Variants in TRIM69 observed in about 807,000 individuals in gnomAD.
TRIM69 encodes the protein tripartite motif containing 69.
A neutral mutation model predicts 37.7 loss-of-function variants in TRIM69; 29 were observed. That is an observed-to-expected ratio of 0.77 (90% CI 0.57 to 1.05). The LOEUF (loss-of-function observed/expected upper bound fraction) is 1.05, where lower values mean the gene tolerates loss of function less well. Ranked by LOEUF, TRIM69 falls within the 50% of genes least tolerant of loss-of-function variation. The pLI is 0.00. For missense variants in TRIM69, 596 were observed against 579.9 expected, an observed-to-expected ratio of 1.03 and a Z score of -0.28; for synonymous variants, 209 against 212.4, an observed-to-expected ratio of 0.98 and a Z score of 0.14.
In TRIM69 at chr15:44,755,288, T is replaced by A. The variant is rs1426803997; in HGVS notation, c.395T>A (p.Leu132Gln). The A allele has an allele frequency of 1.2e-6, 2 of 1,614,056 alleles. No individual in the cohort carries two copies. Among genetic ancestry groups the A allele is most frequent in the African/African-American group, 2.7e-5 (2 of 74,920 alleles). The change falls in exon 2 of 7, where the codon CTG becomes CAG. Residue 132 changes from leucine to glutamine, a missense_variant. Coordinates refer to ENST00000329464, the MANE Select transcript of TRIM69 (RefSeq NM_182985.5). The part of the protein sequence containing the change: ...LKLFSKPDGK[L>Q]ICFQCKDARL... ...CTGTTCAGTAAACCAGATGGGAAAC[T>A]GATCTGCTTTCAATGCAAGGATGCT...
At chr15:44,736,749 T>C (rs1440058046) in intron 1 of TRIM69, 39 bp downstream of exon 1, 2 of 1,605,256 alleles carry the variant, frequency 1.2e-6, no homozygotes, top group Non-Finnish European at 1.7e-6. Flanking sequence ...GCAGGGCTTC[T>C]AGGAATAGTG....
At chr15:44,745,335 G>A (rs1283294637) in intron 1 of TRIM69, among the ~76,000 whole-genome samples, 1 of 152,110 alleles carries the variant, frequency 6.6e-6, no homozygotes, top group African/African-American at 2.4e-5. Flanking sequence ...GTAGCTACAT[G>A]TGACGAAGAA....
intron 6 of TRIM69, among the ~76,000 whole-genome samples, chr15:44,766,994 G>A (rs1443966752): frequency 7.4e-6 from 1 of 134,624 alleles, no homozygotes; most frequent in Non-Finnish European, 1.5e-5. Context: ...AGGAAGCGGA[G>A]GTTGCAGTGA....
At chr15:44,753,681 C>A (rs1210120132) in intron 1 of TRIM69, 2 of 151,940 alleles carry the variant, frequency 1.3e-5, no homozygotes, top group Non-Finnish European at 2.9e-5. Flanking sequence ...TGTAAAATTT[C>A]ATCATATTTT....
At chr15:44,748,138 C>T (rs756511069) in intron 1 of TRIM69, among the ~76,000 whole-genome samples, 1 of 152,184 alleles carries the variant, frequency 6.6e-6, no homozygotes, top group Non-Finnish European at 1.5e-5. Context: ...AGAAGAGTAA[C>T]CTCTGGACAA....
At position 44,755,213 on chromosome 15, in the gene TRIM69, C is replaced by T; in HGVS notation, c.320C>T (p.Pro107Leu). The T allele has an allele frequency of 6.2e-7, 1 of 1,614,132 alleles. No homozygotes were observed. The highest frequency in any genetic ancestry group is 8.5e-7 in the Non-Finnish European group (1 of 1,180,024). The stretch of plus-strand genomic sequence containing the variant: ...TTGGTAGAGAAGATTAAGAAGTTAC[C>T]CTTACTCAAGGGCCATCCACAGTGC... ...DKLVEKIKKL[P>L]LLKGHPQCPE... Residue 107 changes from proline (P) to leucine (L), a missense_variant, in exon 2 of 7, where the codon CCC becomes CTC. By Grantham distance (98) the Pro-to-Leu change is moderately conservative. Transcript: ENST00000329464.
chr15:44,746,964 T>C (rs953908752), intron 1 of TRIM69, among the ~76,000 whole-genome samples: 2 of 152,192 alleles, frequency 1.3e-5, no homozygotes, highest in Non-Finnish European at 2.9e-5. Context: ...TCAAATAGCT[T>C]GGACTACAAT....
In TRIM69 at chr15:44,745,289, T is replaced by A. The variant is rs1007887247; in HGVS notation, c.6+8579T>A. ...GCATTTAAGGAAATCTCTGTTGAACTATTAGATGACTACTAAGTTCATGGG... is the reference window on the plus strand; with the variant it reads ...GCATTTAAGGAAATCTCTGTTGAACAATTAGATGACTACTAAGTTCATGGG... On this transcript the variant is annotated intron_variant, in intron 1 of 6. Transcript: ENST00000329464. 9.4e-4 allele frequency among the ~76,000 whole-genome samples: 143 copies of A among 152,258 alleles called. 1 individual carries two copies. Among genetic ancestry groups the A allele is most frequent in the Middle Eastern group, 6.8e-3 (2 of 294 alleles).
chr15:44,741,622 T>C (rs945622996), intron 1 of TRIM69, among the ~76,000 whole-genome samples: 2,325 of 152,150 alleles, frequency 0.015, 54 homozygotes, highest in African/African-American at 0.051. Flanking sequence ...CAATAAAGAA[T>C]GATAAAGGGG....
chr15:44,748,550 C>T (rs1045629366), intron 1 of TRIM69, among the ~76,000 whole-genome samples: 35 of 151,884 alleles, frequency 2.3e-4, no homozygotes, highest in African/African-American at 6.8e-4. Context: ...CTGGGCTGGG[C>T]GTGGTGGCTC....
At chr15:44,756,786 G>A in intron 3 of TRIM69, 1 of 204,988 alleles carries the variant, frequency 4.9e-6, no homozygotes, top group Non-Finnish European at 9.7e-6. Flanking sequence ...GAACTTATTA[G>A]AAAAAAATCA....
intron 6 of TRIM69, among the ~76,000 whole-genome samples, chr15:44,766,952 G>T (rs1483773404): frequency 1.4e-5 from 2 of 147,788 alleles, no homozygotes; most frequent in African/African-American, 2.5e-5. Context: ...CCAGCTATTT[G>T]GGGGGCTGAG....
intron 1 of TRIM69, among the ~76,000 whole-genome samples, chr15:44,743,502 G>T (rs1468855079): frequency 1.3e-5 from 2 of 152,142 alleles, no homozygotes; most frequent in Non-Finnish European, 2.9e-5. Flanking sequence ...CACAGCAAAA[G>T]AAACTACCAT....
Position 44,759,804 on chromosome 15 carries a change from A to G in TRIM69, c.893A>G (p.Asn298Ser). Residue 298 changes from asparagine to serine, a missense_variant, in exon 6 of 7, where the codon AAC becomes AGC. Transcript: ENST00000329464. ...ATRELISRKL[N>S]LGQYKGPIQY... ...AGAGAGCTTATTTCCAGAAAGCTGA[A>G]CCTGGGCCAGTACAAAGGTCCTATC... 6.2e-7 allele frequency: 1 copy of G among 1,614,192 alleles called. No homozygotes were observed. Among genetic ancestry groups the G allele is most frequent in the Non-Finnish European group, 8.5e-7 (1 of 1,180,034 alleles).
chr15:44,759,735 A>G lies in TRIM69; in HGVS notation c.837-13A>G. 6.2e-7 allele frequency: 1 copy of G among 1,614,210 alleles called. No homozygotes were observed. Among genetic ancestry groups the G allele is most frequent in the Non-Finnish European group, 8.5e-7 (1 of 1,180,032 alleles). On this transcript the variant is annotated splice_polypyrimidine_tract_variant and intron_variant, in intron 5 of 6. Transcript: ENST00000329464. ...GAGGATGTCTAAGGATAAATGATTT[A>G]TGTGCCCTGCAGCTTGGAGCAAGGA...
intron 3 of TRIM69, chr15:44,757,014 A>G (rs1334000925): frequency 2.0e-5 from 3 of 152,146 alleles, no homozygotes; most frequent in African/African-American, 4.8e-5. Context: ...CAGTCCCTAG[A>G]TTGGGGGTGC....
chr15:44,746,173 A>C (rs1026216952), intron 1 of TRIM69, among the ~76,000 whole-genome samples: 2 of 152,194 alleles, frequency 1.3e-5, no homozygotes, highest in African/African-American at 4.8e-5. Flanking sequence ...CTAATTTTTC[A>C]TCAGAAATCA....
intron 2 of TRIM69, among the ~76,000 whole-genome samples, chr15:44,756,058 C>CT (rs1011311508): frequency 8.6e-5 from 13 of 151,694 alleles, no homozygotes; most frequent in Non-Finnish European, 1.5e-4. Flanking sequence ...CTCCATAATT[C>CT]TTTTTTTTTC....
At chr15:44,742,869 C>T (rs972920557) in intron 1 of TRIM69, among the ~76,000 whole-genome samples, 53 of 151,350 alleles carry the variant, frequency 3.5e-4, no homozygotes, top group African/African-American at 1.2e-3. Flanking sequence ...GAATCAGTAT[C>T]GTGAAAATGG....
Sources: allele counts gnomAD v4.1 joint callset (sites outside exome capture counted in the v4.1 genomes callset), GRCh38; gene constraint gnomAD v4.1.1; transcripts MANE v1.5; gene names NCBI Gene and HGNC (gene_info 2026-07-23, HGNC 2026-07-21).